The following LRFN5 variants were observed in gnomAD, a reference collection of about 807,000 sequenced individuals.
The protein encoded by LRFN5 is leucine rich repeat and fibronectin type III domain containing 5.
LRFN5 carries 24 observed loss-of-function variants against 45.6 expected under a neutral mutation model. The observed-to-expected ratio is 0.53, with a 90% CI of 0.38 to 0.74. The LOEUF is 0.74. Ranked by LOEUF, LRFN5 falls within the 30% of genes least tolerant of loss-of-function variation. LRFN5 has a pLI of 0.00. For missense variants in LRFN5, 776 were observed against 861.5 expected, an observed-to-expected ratio of 0.90 and a Z score of 1.24; for synonymous variants, 340 against 313.8, an observed-to-expected ratio of 1.08 and a Z score of -0.88.
intron 1 of LRFN5, among the ~76,000 whole-genome samples, chr14:41,707,499 G>A (rs921716446): frequency 6.6e-6 from 1 of 151,910 alleles, no homozygotes; most frequent in Non-Finnish European, 1.5e-5. Context: ...TGTCTGTATG[G>A]CTATTAAGTA....
chr14:41,776,613 T>C (rs573255961), intron 2 of LRFN5, among the ~76,000 whole-genome samples: 2 of 152,224 alleles, frequency 1.3e-5, no homozygotes, highest in Admixed American at 1.3e-4. Flanking sequence ...AGGGTGACAG[T>C]CCTTTTTACA....
At chr14:41,878,237 A>G (rs1315020621) in intron 2 of LRFN5, among the ~76,000 whole-genome samples, 2 of 152,208 alleles carry the variant, frequency 1.3e-5, no homozygotes, top group East Asian at 1.9e-4. Context: ...AAACTCATCA[A>G]TATCAACAGA....
intron 2 of LRFN5, among the ~76,000 whole-genome samples, chr14:41,885,943 C>T (rs895376950): frequency 1.4e-5 from 2 of 145,966 alleles, no homozygotes; most frequent in African/African-American, 5.2e-5. Context: ...ATCGCTTGAA[C>T]CTGGGAGGTG....
intron 1 of LRFN5, among the ~76,000 whole-genome samples, chr14:41,649,030 A>G (rs1220918559): frequency 6.6e-6 from 1 of 152,128 alleles, no homozygotes; most frequent in Non-Finnish European, 1.5e-5. Context: ...TCAGGAGTTC[A>G]AGACCAGCCT....
At chr14:41,766,017 G>T (rs1885871529) in intron 1 of LRFN5, among the ~76,000 whole-genome samples, 1 of 151,986 alleles carries the variant, frequency 6.6e-6, no homozygotes, top group South Asian at 2.1e-4. Context: ...TTCATCTTAG[G>T]TCTGTTTTTT....
chr14:41,873,015 A>G (rs1351620800), intron 2 of LRFN5, among the ~76,000 whole-genome samples: 1 of 152,226 alleles, frequency 6.6e-6, no homozygotes, highest in Non-Finnish European at 1.5e-5. Context: ...TTGATTTAAA[A>G]TTCACTGAGT....
intron 1 of LRFN5, among the ~76,000 whole-genome samples, chr14:41,645,122 A>T (rs1036142970): frequency 1.3e-5 from 2 of 152,192 alleles, no homozygotes; most frequent in African/African-American, 4.8e-5. Flanking sequence ...GAAGTTATTA[A>T]TAATACTTAT....
chr14:41,786,754 T>C (rs892776230), intron 2 of LRFN5, among the ~76,000 whole-genome samples: 5 of 152,028 alleles, frequency 3.3e-5, no homozygotes, highest in Admixed American at 3.3e-4. Context: ...GTTGAACTGC[T>C]CTGGAGTCTC....
At chr14:41,793,342 C>T (rs1392625767) in intron 2 of LRFN5, among the ~76,000 whole-genome samples, 1 of 151,956 alleles carries the variant, frequency 6.6e-6, no homozygotes, top group Non-Finnish European at 1.5e-5. Context: ...AAAATGCACT[C>T]TGTGCACTCT....
At chr14:41,737,467 C>G (rs1435093394) in intron 1 of LRFN5, among the ~76,000 whole-genome samples, 1 of 152,146 alleles carries the variant, frequency 6.6e-6, no homozygotes, top group African/African-American at 2.4e-5. Flanking sequence ...TCTCTCTCCA[C>G]TCCTATTCAA....
At chr14:41,731,823 A>G (rs1253098193) in intron 1 of LRFN5, 1 of 152,246 alleles carries the variant, frequency 6.6e-6, no homozygotes, top group African/African-American at 2.4e-5. Flanking sequence ...AAGAAGAGGA[A>G]TTAGGATATT....
At chr14:41,846,592 T>A (rs1014538091) in intron 2 of LRFN5, among the ~76,000 whole-genome samples, 2 of 152,182 alleles carry the variant, frequency 1.3e-5, no homozygotes, top group Non-Finnish European at 2.9e-5. Context: ...TGGATGCTAG[T>A]TATATAACTA....
rs567498698 is a variant in LRFN5 at position 41,762,245 on chromosome 14, A to G, written c.-196-4609A>G. 2.6e-5 allele frequency among the ~76,000 whole-genome samples: 4 copies of G among 152,162 alleles called. No homozygotes were observed. In the East Asian group the frequency reaches 7.7e-4, roughly 29 times the overall value. ...ACAAGATATTACAAATGCAGTAATAAAATTTTTAGGTCAGCAAGATTTATG... is the reference window on the plus strand; with the variant it reads ...ACAAGATATTACAAATGCAGTAATAGAATTTTTAGGTCAGCAAGATTTATG... On this transcript the variant is annotated intron_variant, in intron 1 of 5. Coordinates refer to ENST00000298119, the MANE Select transcript of LRFN5 (RefSeq NM_152447.5).
intron 1 of LRFN5, among the ~76,000 whole-genome samples, chr14:41,639,396 G>A (rs1375513680): frequency 3.3e-5 from 5 of 152,184 alleles, no homozygotes; most frequent in Admixed American, 1.3e-4. Context: ...TGTTTTATCC[G>A]CAGATGAAGT....
chr14:41,674,106 G>A (rs2138668124), intron 1 of LRFN5, among the ~76,000 whole-genome samples: 1 of 147,602 alleles, frequency 6.8e-6, no homozygotes, highest in Non-Finnish European at 1.5e-5. Context: ...TGGACGGGGT[G>A]GCTGGCCTGG....
Position 41,887,423 on chromosome 14 carries a change from T to A in LRFN5, c.798T>A (p.Pro266=). Residue 266 remains proline (P), a synonymous_variant, in exon 3 of 6, where the codon CCT becomes CCA. Transcript: ENST00000298119. This position sits in a 1 kb window ranked among gnomAD's most constrained non-coding sequence, Gnocchi z 4.8. The stretch of plus-strand genomic sequence containing the variant: ...ATGACTTAGAGACCTGTGCTTCTCC[T>A]CCACTTTTAACTGGCCGCTACTTTT... ...REDDLETCAS[P]PLLTGRYFWS... The A allele has an allele frequency of 6.2e-7, 1 of 1,614,196 alleles. No homozygotes were observed. The highest frequency in any genetic ancestry group is 8.5e-7 in the Non-Finnish European group (1 of 1,180,034).
intron 2 of LRFN5, among the ~76,000 whole-genome samples, chr14:41,808,597 C>T (rs866141904): frequency 3.1e-5 from 4 of 128,448 alleles, no homozygotes; most frequent in South Asian, 2.4e-4. Flanking sequence ...AAGGAAGGAA[C>T]GAAGGAAGGA....
intron 1 of LRFN5, among the ~76,000 whole-genome samples, chr14:41,614,517 C>T (rs752025703): frequency 2.4e-4 from 37 of 152,000 alleles, no homozygotes; most frequent in Non-Finnish European, 4.7e-4. Flanking sequence ...AATTAATAAG[C>T]TTGAAAGTAA....
At chr14:41,659,892 GT>G (rs11352345) in intron 1 of LRFN5, among the ~76,000 whole-genome samples, 3,577 of 123,860 alleles carry the variant, frequency 0.029, 118 homozygotes, top group African/African-American at 0.095. Flanking sequence ...ACTTTTTGAT[GT>G]TTTTTTTTTT....
Sources: allele counts gnomAD v4.1 joint callset (sites outside exome capture counted in the v4.1 genomes callset), GRCh38; gene constraint gnomAD v4.1.1; non-coding constraint Gnocchi (gnomAD v3.1); transcripts MANE v1.5; gene names NCBI Gene and HGNC (gene_info 2026-07-23, HGNC 2026-07-21).